Variants in ANKFN1 observed in about 807,000 individuals in gnomAD.
ANKFN1 encodes ankyrin repeat and fibronectin type III domain containing 1.
Under a neutral mutation model 108.7 loss-of-function variants are expected in ANKFN1, and 74 were observed. That is an observed-to-expected ratio of 0.68 (90% CI 0.56 to 0.83). ANKFN1 has a LOEUF of 0.83. Ranked by LOEUF, ANKFN1 falls within the 40% of genes least tolerant of loss-of-function variation. The probability of loss-of-function intolerance (pLI) is 0.00; values close to 1 mark genes in which losing one functional copy is unlikely to be tolerated. For missense variants in ANKFN1, 1,505 were observed against 1,382.3 expected, an observed-to-expected ratio of 1.09 and a Z score of -1.41; for synonymous variants, 547 against 516.2, an observed-to-expected ratio of 1.06 and a Z score of -0.81.
chr17:56,193,505 A>G (rs1166943495), intron 1 of ANKFN1, among the ~76,000 whole-genome samples: 12 of 151,656 alleles, frequency 7.9e-5, no homozygotes, highest in Admixed American at 6.6e-4. Flanking sequence ...GTAAAAGTGC[A>G]TAATTTATTT....
chr17:56,399,694 G>A (rs1157578541), intron 8 of ANKFN1, among the ~76,000 whole-genome samples: 1 of 151,704 alleles, frequency 6.6e-6, no homozygotes, highest in Non-Finnish European at 1.5e-5. Context: ...CGTCCTGATA[G>A]CTTTGCTCCC....
intron 4 of ANKFN1, among the ~76,000 whole-genome samples, chr17:56,064,567 G>A (rs8078260): frequency 0.66 from 100,389 of 152,152 alleles, 34,445 homozygotes; most frequent in Non-Finnish European, 0.78. Context: ...AGACCAAGCC[G>A]TCCAGGCCCC....
intron 2 of ANKFN1, 105 bp from the exon 3 acceptor site, chr17:56,227,808 TTCTC>T: frequency 1.2e-6 from 1 of 838,230 alleles, no homozygotes; most frequent in Non-Finnish European, 1.9e-6. Flanking sequence ...TAGGCTAGGC[TTCTC>T]TCTCTTTTTT....
At chr17:56,105,667 T>C (rs1905733915) in intron 4 of ANKFN1, among the ~76,000 whole-genome samples, 2 of 151,686 alleles carry the variant, frequency 1.3e-5, no homozygotes, top group Admixed American at 6.6e-5. Context: ...GGGTTTATTA[T>C]TGCTTTTTTT....
chr17:56,285,251 G>A (rs1245210894), intron 3 of ANKFN1, among the ~76,000 whole-genome samples: 2 of 152,096 alleles, frequency 1.3e-5, no homozygotes, highest in Non-Finnish European at 2.9e-5. Flanking sequence ...AAGAGTATGA[G>A]GCAGACACTG....
chr17:56,493,258 A>AAAAC (rs138588511), intron 19 of ANKFN1, among the ~76,000 whole-genome samples: 140 of 152,240 alleles, frequency 9.2e-4, no homozygotes, highest in African/African-American at 3.1e-3. Flanking sequence ...ATACCAAAGC[A>AAAAC]AAACAAACAA....
intron 6 of ANKFN1, among the ~76,000 whole-genome samples, chr17:56,363,828 G>A (rs538631214): frequency 6.6e-6 from 1 of 152,240 alleles, no homozygotes; most frequent in South Asian, 2.1e-4. Flanking sequence ...GCCATGCACA[G>A]AAAGACAAAT....
chr17:56,319,297 A>G (rs1449302755), intron 3 of ANKFN1, among the ~76,000 whole-genome samples: 7 of 152,206 alleles, frequency 4.6e-5, no homozygotes, highest in Non-Finnish European at 1.0e-4. Context: ...CTGAAGTCTG[A>G]TAAATGTTCT....
intron 4 of ANKFN1, among the ~76,000 whole-genome samples, chr17:56,116,625 C>T (rs1011079078): frequency 5.3e-5 from 8 of 152,074 alleles, no homozygotes; most frequent in Non-Finnish European, 8.8e-5. Flanking sequence ...CTTCACCTTC[C>T]ACCATGAGAT....
intron 1 of ANKFN1, among the ~76,000 whole-genome samples, chr17:56,182,974 C>G (rs1345957249): frequency 6.6e-6 from 1 of 152,160 alleles, no homozygotes; most frequent in Non-Finnish European, 1.5e-5. Flanking sequence ...CATCTGTTTA[C>G]AGCATACGGT....
At chr17:56,156,076 C>CTTT (rs529958919) in intron 1 of ANKFN1, among the ~76,000 whole-genome samples, 1 of 136,514 alleles carries the variant, frequency 7.3e-6, no homozygotes, top group South Asian at 2.3e-4. Context: ...CTCTCTCACT[C>CTTT]TTTTTTTTTT....
rs1033563180 is a variant in ANKFN1, at chr17:56,358,026, G to T, written c.601+3980G>T. On this transcript the variant is annotated intron_variant, in intron 6 of 20. Transcript: ENST00000682825. ...AACCCAGATCTGTATTAATTGCCTT[G>T]GTGTTTGTGAGAAAGCTTTGGCATG... is the stretch of plus-strand genomic sequence containing the variant. Among the ~76,000 whole-genome samples the T allele has an allele frequency of 3.3e-5, 5 of 152,198 alleles. No individual in the cohort carries two copies. In the East Asian group the frequency reaches 5.8e-4, roughly 18 times the overall value.
chr17:56,140,663 A>AT (rs1181730562), intron 4 of ANKFN1, among the ~76,000 whole-genome samples: 4 of 152,196 alleles, frequency 2.6e-5, no homozygotes, highest in African/African-American at 9.7e-5. Context: ...GAATATTCTA[A>AT]TAATGCCTGC....
intron 3 of ANKFN1, among the ~76,000 whole-genome samples, chr17:56,280,999 C>G (rs1455139921): frequency 6.6e-6 from 1 of 152,060 alleles, no homozygotes; most frequent in East Asian, 1.9e-4. Flanking sequence ...CTTCTCTTGT[C>G]TGCCACCGTG....
At chr17:56,497,309 A>G (rs1209719789) in intron 19 of ANKFN1, among the ~76,000 whole-genome samples, 3 of 152,132 alleles carry the variant, frequency 2.0e-5, no homozygotes, top group African/African-American at 7.2e-5. Flanking sequence ...TTCCTGCCCA[A>G]CTGACCAAGC....
intron 4 of ANKFN1, among the ~76,000 whole-genome samples, chr17:56,062,840 G>T (rs9911140): frequency 6.6e-6 from 1 of 151,832 alleles, no homozygotes; most frequent in Non-Finnish European, 1.5e-5. Context: ...TTTTATTTTG[G>T]TGTGTTTTTG....
intron 8 of ANKFN1, among the ~76,000 whole-genome samples, chr17:56,396,654 C>A (rs914515617): frequency 6.6e-6 from 1 of 152,092 alleles, no homozygotes; most frequent in African/African-American, 2.4e-5. Context: ...ATACCATGTG[C>A]TAGCCATTGG....
chr17:56,383,570 G>A (rs1203018254), intron 8 of ANKFN1, among the ~76,000 whole-genome samples: 3 of 152,086 alleles, frequency 2.0e-5, no homozygotes, highest in Non-Finnish European at 4.4e-5. Context: ...CAACAAAATT[G>A]ATAGACCACT....
At chr17:56,270,793 T>A (rs75321237) in intron 3 of ANKFN1, among the ~76,000 whole-genome samples, 2,378 of 152,284 alleles carry the variant, frequency 0.016, 65 homozygotes, top group African/African-American at 0.053. Flanking sequence ...GGTCTTTTTG[T>A]TGTTTCCTCA....
Sources: allele counts gnomAD v4.1 joint callset (sites outside exome capture counted in the v4.1 genomes callset), GRCh38; gene constraint gnomAD v4.1.1; transcripts MANE v1.5; gene names NCBI Gene and HGNC (gene_info 2026-07-23, HGNC 2026-07-21).